Variants in TAOK3 observed in about 807,000 individuals in gnomAD.
The protein encoded by TAOK3 is serine/threonine-protein kinase TAO3.
TAOK3 carries 40 observed loss-of-function variants against 120.4 expected under a neutral mutation model. The ratio of observed to expected loss-of-function variants is 0.33; its 90% CI spans 0.26 to 0.43. The LOEUF (loss-of-function observed/expected upper bound fraction) is 0.43. Among genes scored for constraint, TAOK3 ranks in the 20% least tolerant of loss-of-function variants. The probability of loss-of-function intolerance (pLI) is 1.00; values close to 1 mark genes in which losing one functional copy is unlikely to be tolerated. For missense variants in TAOK3, 821 were observed against 1,112.1 expected, an observed-to-expected ratio of 0.74 and a Z score of 3.72; for synonymous variants, 355 against 387.5, an observed-to-expected ratio of 0.92 and a Z score of 0.99.
At chr12:118,234,241 T>TTTTTTTTTTTC (rs2039922105) in intron 8 of TAOK3, among the ~76,000 whole-genome samples, 3 of 98,444 alleles carry the variant, frequency 3.0e-5, no homozygotes, top group Non-Finnish European at 6.3e-5. Context: ...TTTTTTTTTT[T>TTTTTTTTTTTC]TTTTTGAGAC....
At chr12:118,154,527 T>C (rs1479080452) in intron 19 of TAOK3, among the ~76,000 whole-genome samples, 2 of 151,694 alleles carry the variant, frequency 1.3e-5, no homozygotes, top group Non-Finnish European at 2.9e-5. Flanking sequence ...GCAACCTCCT[T>C]CTCCCAGGTT....
At chr12:118,178,506 C>T (rs1051342079) in intron 15 of TAOK3, among the ~76,000 whole-genome samples, 1 of 151,864 alleles carries the variant, frequency 6.6e-6, no homozygotes, top group African/African-American at 2.4e-5. Context: ...CACACAGGCT[C>T]GAGTGCGGTG....
chr12:118,215,563 C>T (rs2038860530), intron 9 of TAOK3, among the ~76,000 whole-genome samples: 1 of 151,712 alleles, frequency 6.6e-6, no homozygotes, highest in Non-Finnish European at 1.5e-5. Flanking sequence ...AGAGATAAGC[C>T]AATTATATTC....
intron 9 of TAOK3, among the ~76,000 whole-genome samples, chr12:118,220,658 A>G (rs1216406727): frequency 6.6e-6 from 1 of 151,984 alleles, no homozygotes; most frequent in African/African-American, 2.4e-5. Flanking sequence ...GGATGAAAGA[A>G]CAAAAACACA....
At chr12:118,273,893 G>A (rs1426936093) in intron 1 of TAOK3, among the ~76,000 whole-genome samples, 1 of 152,116 alleles carries the variant, frequency 6.6e-6, no homozygotes, top group Non-Finnish European at 1.5e-5. Flanking sequence ...TCTGAAACAC[G>A]CTTCACAGTA....
intron 17 of TAOK3, among the ~76,000 whole-genome samples, chr12:118,168,842 G>A (rs1184388474): frequency 2.0e-5 from 3 of 152,122 alleles, no homozygotes; most frequent in Non-Finnish European, 4.4e-5. Context: ...AACAATAAAT[G>A]TTACATGAAA....
At position 118,160,067 on chromosome 12, in the gene TAOK3, T is replaced by C. The variant is rs2035116179; in HGVS notation, c.2352+79A>G. 1 of 1,204,258 alleles carries C rather than the reference T, an allele frequency of 8.3e-7. No individual in the cohort carries two copies. The highest frequency in any genetic ancestry group is 1.2e-6 in the Non-Finnish European group (1 of 816,192). 74.6% of individuals were successfully genotyped at this position (1,204,258 alleles called of 1,614,324 possible). ...ATCCTAAATTTGTGCAAGAATCATC[T>C]TGGGAACAACAGGCTGGATCTTGGA... On this transcript the variant is annotated intron_variant, in intron 19 of 20. Transcript: ENST00000392533. This position sits in a 1 kb window ranked among gnomAD's most constrained non-coding sequence, Gnocchi z 4.2.
rs763473530 is a variant in TAOK3 at position 118,234,212 on chromosome 12, A to ATTTTTTT, written c.552-454_552-448dup. Among the ~76,000 whole-genome samples the ATTTTTTT allele has an allele frequency of 1.3e-3, 75 of 58,334 alleles. 8 individuals are homozygous for ATTTTTTT. The highest frequency in any genetic ancestry group is 1.5e-3 in the Non-Finnish European group (47 of 32,396). 38.3% of individuals were successfully genotyped at this position (58,334 alleles called of 152,430 possible). A position where few individuals can be genotyped will look rare whatever the true frequency, so the allele number is the denominator to read the frequency against. On this transcript the variant is annotated intron_variant, in intron 8 of 20. Transcript: ENST00000392533. Reference sequence around the variant, plus strand: ...TTAAAGTAATTAAATAAAGCAGGAAATTTTTTTTTTTTTTTTTTTTTTTTT... The same window carrying ATTTTTTT: ...TTAAAGTAATTAAATAAAGCAGGAAATTTTTTTTTTTTTTTTTTTTTTTTTTTTTTTT...
chr12:118,240,788 C>T (rs74866985), intron 5 of TAOK3, among the ~76,000 whole-genome samples: 2,854 of 152,094 alleles, frequency 0.019, 77 homozygotes, highest in East Asian at 0.068. Context: ...ATAGTAGATG[C>T]TCATTATGAA....
chr12:118,348,169 C>A (rs2044955307), intron 1 of TAOK3, among the ~76,000 whole-genome samples: 1 of 152,108 alleles, frequency 6.6e-6, no homozygotes, highest in Non-Finnish European at 1.5e-5. Context: ...CATGTTACCC[C>A]ATCTCCCTAG....
At chr12:118,172,290 T>C (rs1389277411) in intron 17 of TAOK3, among the ~76,000 whole-genome samples, 167 bp downstream of exon 17, 1 of 152,164 alleles carries the variant, frequency 6.6e-6, no homozygotes, top group African/African-American at 2.4e-5. Flanking sequence ...TTATCAATAG[T>C]AAGTTCATTC....
intron 14 of TAOK3, among the ~76,000 whole-genome samples, chr12:118,186,476 A>G (rs2037084309): frequency 6.6e-6 from 1 of 152,228 alleles, no homozygotes; most frequent in African/African-American, 2.4e-5. Flanking sequence ...AAACACCCTC[A>G]TGAATCACTA....
chr12:118,156,339 G>T (rs936338698), intron 19 of TAOK3, among the ~76,000 whole-genome samples: 1 of 152,090 alleles, frequency 6.6e-6, no homozygotes, highest in Non-Finnish European at 1.5e-5. Context: ...TGTCTTCTGA[G>T]ATACCACAAC....
intron 1 of TAOK3, among the ~76,000 whole-genome samples, chr12:118,306,783 C>T (rs2043067502): frequency 6.6e-6 from 1 of 152,164 alleles, no homozygotes; most frequent in Non-Finnish European, 1.5e-5. Flanking sequence ...AAAGTAGTAA[C>T]ATCAAACTTT....
At chr12:118,304,670 A>G (rs966069055) in intron 1 of TAOK3, among the ~76,000 whole-genome samples, 5 of 152,200 alleles carry the variant, frequency 3.3e-5, no homozygotes, top group Non-Finnish European at 7.3e-5. Flanking sequence ...TTTGAATGTT[A>G]TATGTGTACA....
Position 118,151,100 on chromosome 12 carries a change from A to G in TAOK3, c.2594T>C (p.Leu865Ser). 6.2e-7 allele frequency: 1 copy of G among 1,613,454 alleles called. No homozygotes were observed. Among genetic ancestry groups the G allele is most frequent in the Non-Finnish European group, 8.5e-7 (1 of 1,179,994 alleles). ...TTCAATCTCTCGCTCTTGCCTTTCC[A>G]ATAGGTTCTTTATTCTCTCGCTGCG... ...KERSERIKNL[L>S]ERQEREIETF... Residue 865 changes from leucine to serine, a missense_variant, in exon 21 of 21, where the codon TTG (leucine) becomes TCG (serine). Physicochemically the swap from Leu to Ser is moderately radical, Grantham distance 145 (BLOSUM62 -2). This residue lies in a region of TAOK3 where 354 missense variants were observed against 572.1 expected (regional missense o/e 0.62). Coordinates refer to ENST00000392533, the MANE Select transcript of TAOK3 (RefSeq NM_016281.4).
chr12:118,313,512 G>C (rs1376688715), intron 1 of TAOK3, among the ~76,000 whole-genome samples: 1 of 152,142 alleles, frequency 6.6e-6, no homozygotes, highest in Admixed American at 6.5e-5. Flanking sequence ...CCTGACCTCA[G>C]GTGATCCACC....
chr12:118,362,846 C>T (rs563115869), intron 1 of TAOK3, among the ~76,000 whole-genome samples: 53 of 151,912 alleles, frequency 3.5e-4, no homozygotes, highest in Middle Eastern at 3.4e-3. Flanking sequence ...GGCAAAACCC[C>T]GTCTCTACTA....
At chr12:118,254,391 G>T (rs1343378276) in intron 3 of TAOK3, among the ~76,000 whole-genome samples, 1 of 152,104 alleles carries the variant, frequency 6.6e-6, no homozygotes, top group African/African-American at 2.4e-5. Flanking sequence ...TAGTTCTTGA[G>T]TCTGTAACGA....
Sources: allele counts gnomAD v4.1 joint callset (sites outside exome capture counted in the v4.1 genomes callset), GRCh38; gene constraint gnomAD v4.1.1; regional missense constraint gnomAD v4.1.1; non-coding constraint Gnocchi (gnomAD v3.1); transcripts MANE v1.5; gene names NCBI Gene and HGNC (gene_info 2026-07-23, HGNC 2026-07-21).